Variants in LPP observed in about 807,000 individuals in gnomAD.
LPP encodes lipoma-preferred partner.
LPP carries 38 observed loss-of-function variants against 60.4 expected under a neutral mutation model. That is an observed-to-expected ratio of 0.63 (90% CI 0.49 to 0.83). The LOEUF is 0.83. Among genes scored for constraint, LPP ranks in the 40% least tolerant of loss-of-function variants. The pLI is 0.00. For synonymous variants in LPP, 328 were observed against 290.8 expected (o/e 1.13, Z -1.30); for missense variants, 902 against 783.6 (o/e 1.15, Z -1.80).
At chr3:188,374,301 T>A (rs188845974) in intron 3 of LPP, among the ~76,000 whole-genome samples, 21 of 152,266 alleles carry the variant, frequency 1.4e-4, no homozygotes, top group African/African-American at 5.1e-4. Context: ...CCTTTGGCAG[T>A]ATGGCCATTT....
chr3:188,236,527 C>G (rs957078391), intron 2 of LPP, among the ~76,000 whole-genome samples: 1 of 152,088 alleles, frequency 6.6e-6, no homozygotes, highest in African/African-American at 2.4e-5. Context: ...AAAATAGTTG[C>G]AACAACCAGT....
At chr3:188,641,060 T>C (rs1278503728) in intron 7 of LPP, among the ~76,000 whole-genome samples, 1 of 151,972 alleles carries the variant, frequency 6.6e-6, no homozygotes, top group East Asian at 1.9e-4. Context: ...GGAGGGTACA[T>C]TTGCAGTGGA....
rs1057243222 is a variant in LPP at position 188,884,845 on chromosome 3, G to C, written c.*10366G>C. On this transcript the variant is annotated 3_prime_UTR_variant, in exon 12 of 12. Coordinates refer to ENST00000617246, the MANE Select transcript of LPP (RefSeq NM_001375462.1). ...GCATGTTGCTGCAACAGGCATTTCC[G>C]ATAGAGCCGATCCATGAGCTAACAA... The C allele has an allele frequency of 4.4e-6, 1 of 225,878 alleles. No individual in the cohort carries two copies. The highest frequency in any genetic ancestry group is 8.8e-6 in the Non-Finnish European group (1 of 113,506). 14.0% of individuals were successfully genotyped at this position (225,878 alleles called of 1,614,324 possible). A position where few individuals can be genotyped will look rare whatever the true frequency, so the allele number is the denominator to read the frequency against.
At chr3:188,667,159 G>A (rs1445247325) in intron 7 of LPP, among the ~76,000 whole-genome samples, 1 of 152,142 alleles carries the variant, frequency 6.6e-6, no homozygotes, top group Admixed American at 6.5e-5. Context: ...CAGGCACAAG[G>A]TGGAAGGATG....
At chr3:188,581,645 C>T (rs539319286) in intron 6 of LPP, among the ~76,000 whole-genome samples, 1 of 152,168 alleles carries the variant, frequency 6.6e-6, no homozygotes, top group African/African-American at 2.4e-5. Context: ...ACTCACTCAT[C>T]TGTAACTCTC....
chr3:188,249,870 A>ACACACC (rs1728471155), intron 2 of LPP, among the ~76,000 whole-genome samples: 1 of 118,354 alleles, frequency 8.4e-6, no homozygotes, highest in African/African-American at 3.2e-5. Context: ...ACACACACAC[A>ACACACC]GTCTCCCCCA....
At chr3:188,302,407 C>G (rs902082819) in intron 2 of LPP, among the ~76,000 whole-genome samples, 1 of 152,176 alleles carries the variant, frequency 6.6e-6, no homozygotes, top group Non-Finnish European at 1.5e-5. Context: ...GTAACTCAAC[C>G]TCTGAAAAGG....
At chr3:188,373,515 G>A (rs1267749634) in intron 3 of LPP, among the ~76,000 whole-genome samples, 1 of 152,168 alleles carries the variant, frequency 6.6e-6, no homozygotes, top group Non-Finnish European at 1.5e-5. Context: ...CTTTTGAGAA[G>A]TGTCTGTTCA....
intron 5 of LPP, among the ~76,000 whole-genome samples, chr3:188,490,256 G>C (rs1414487348): frequency 6.6e-6 from 1 of 152,136 alleles, no homozygotes; most frequent in African/African-American, 2.4e-5. Flanking sequence ...AGTAACATGA[G>C]CTATGCCCAG....
intron 6 of LPP, among the ~76,000 whole-genome samples, chr3:188,532,382 GC>G (rs1822426904): frequency 6.6e-6 from 1 of 150,940 alleles, no homozygotes; most frequent in Non-Finnish European, 1.5e-5. Context: ...CCGAGATTGT[GC>G]CACTGCACTC....
At chr3:188,249,438 G>A (rs1181373357) in intron 2 of LPP, among the ~76,000 whole-genome samples, 1 of 150,588 alleles carries the variant, frequency 6.6e-6, no homozygotes, top group African/African-American at 2.4e-5. Context: ...GTGTCTCGAA[G>A]GAAGGAAGGA....
At chr3:188,713,554 G>C (rs1197995007) in intron 8 of LPP, among the ~76,000 whole-genome samples, 2 of 152,112 alleles carry the variant, frequency 1.3e-5, no homozygotes, top group African/African-American at 4.8e-5. Flanking sequence ...TATAAGGTGA[G>C]GTATGATTGT....
intron 9 of LPP, among the ~76,000 whole-genome samples, chr3:188,851,584 C>G (rs540987005): frequency 6.6e-6 from 1 of 152,270 alleles, no homozygotes; most frequent in African/African-American, 2.4e-5. Context: ...CATGAAATTA[C>G]ACTGCATTAA....
intron 6 of LPP, among the ~76,000 whole-genome samples, chr3:188,539,277 G>A (rs547580966): frequency 6.6e-6 from 1 of 152,234 alleles, no homozygotes; most frequent in Non-Finnish European, 1.5e-5. Context: ...AATCTCTTGG[G>A]GAAAAATGCA....
chr3:188,637,192 A>C (rs1848998786), intron 7 of LPP, among the ~76,000 whole-genome samples: 1 of 152,000 alleles, frequency 6.6e-6, no homozygotes, highest in East Asian at 1.9e-4. Flanking sequence ...TCAAACTAGA[A>C]CTCAGGATTA....
chr3:188,199,089 A>G (rs1435024601), intron 1 of LPP, among the ~76,000 whole-genome samples: 3 of 152,288 alleles, frequency 2.0e-5, no homozygotes, highest in Non-Finnish European at 4.4e-5. Context: ...ACTCACTCAC[A>G]TGACATCTGA....
intron 9 of LPP, among the ~76,000 whole-genome samples, chr3:188,765,297 AACACACACAC>A (rs60149759): frequency 0.033 from 4,760 of 143,974 alleles, 80 homozygotes; most frequent in African/African-American, 0.04. Flanking sequence ...TGTCTCACAC[AACACACACAC>A]ACACACACAC....
intron 4 of LPP, among the ~76,000 whole-genome samples, chr3:188,452,331 C>T (rs1004854006): frequency 2.6e-5 from 4 of 152,016 alleles, no homozygotes; most frequent in South Asian, 2.1e-4. Flanking sequence ...AAACTGATAG[C>T]GTGTGGGCTC....
intron 1 of LPP, among the ~76,000 whole-genome samples, chr3:188,168,265 T>C (rs1235725284): frequency 1.3e-5 from 2 of 152,240 alleles, no homozygotes; most frequent in Non-Finnish European, 2.9e-5. Context: ...AAAAGTGAGG[T>C]TAATTACCCA....
Sources: allele counts gnomAD v4.1 joint callset (sites outside exome capture counted in the v4.1 genomes callset), GRCh38; gene constraint gnomAD v4.1.1; transcripts MANE v1.5; gene names NCBI Gene and HGNC (gene_info 2026-07-23, HGNC 2026-07-21).